The following SLC35F3 variants were observed in gnomAD, a reference collection of about 807,000 sequenced individuals.
SLC35F3 encodes putative thiamine transporter SLC35F3.
SLC35F3 carries 25 observed loss-of-function variants against 49.9 expected under a neutral mutation model. The observed-to-expected ratio is 0.50, with a 90% CI of 0.37 to 0.70. SLC35F3 has a LOEUF of 0.70. SLC35F3 is among the 30% of genes least tolerant of loss of function. The pLI is 0.00. For synonymous variants in SLC35F3, 275 were observed against 265.4 expected, an observed-to-expected ratio of 1.04 and a Z score of -0.35; for missense variants, 525 against 639.8, an observed-to-expected ratio of 0.82 and a Z score of 1.94.
intron 2 of SLC35F3, among the ~76,000 whole-genome samples, chr1:233,956,121 C>T (rs1430058031): frequency 6.6e-6 from 1 of 152,056 alleles, no homozygotes; most frequent in Non-Finnish European, 1.5e-5. Flanking sequence ...CTCCTGACCT[C>T]AGGTGATCCT....
intron 3 of SLC35F3, among the ~76,000 whole-genome samples, chr1:234,273,278 A>G (rs905947891): frequency 1.3e-5 from 2 of 152,226 alleles, no homozygotes; most frequent in Non-Finnish European, 2.9e-5. Context: ...GCTGTTGCCT[A>G]TAAGTCTTCA....
intron 3 of SLC35F3, among the ~76,000 whole-genome samples, chr1:234,245,045 T>C (rs532538736): frequency 2.0e-5 from 3 of 152,172 alleles, no homozygotes; most frequent in Non-Finnish European, 4.4e-5. Context: ...CCTAGTCTTT[T>C]TCCTTAGTAC....
At chr1:234,035,390 TA>T (rs1345237317) in intron 2 of SLC35F3, among the ~76,000 whole-genome samples, 20 of 150,404 alleles carry the variant, frequency 1.3e-4, no homozygotes, top group South Asian at 2.1e-4. Context: ...AATATACCTT[TA>T]AAAAAAAAAT....
At chr1:234,129,281 A>G (rs547871414) in intron 2 of SLC35F3, among the ~76,000 whole-genome samples, 20 of 152,376 alleles carry the variant, frequency 1.3e-4, no homozygotes, top group Admixed American at 3.3e-4. Flanking sequence ...TGAAGCCACA[A>G]TGAGATGTGT....
At position 233,905,687 on chromosome 1, in the gene SLC35F3, C is replaced by T; in HGVS notation, c.212C>T (p.Thr71Met). The stretch of plus-strand genomic sequence containing the variant: ...CTCACCAGCGGGCCGGTGGGGCTCA[C>T]GTCCATCGAGGAGCGGATCCTGCGC... ...EDLTSGPVGLTSIEERILRIT... is the reference protein window; with the variant it reads ...EDLTSGPVGLMSIEERILRIT... The change falls in exon 2 of 8, where the codon ACG (threonine) becomes ATG (methionine). Residue 71 changes from threonine (T) to methionine (M), a missense_variant. Around this residue, in one of 4 missense-constraint regions of SLC35F3, gnomAD observed 228 missense variants for 218.9 expected, o/e 1.04. Coordinates refer to ENST00000366618, the MANE Select transcript of SLC35F3 (RefSeq NM_173508.4). 1 of 1,614,196 alleles carries T rather than the reference C, an allele frequency of 6.2e-7. No individual in the cohort carries two copies. The highest frequency in any genetic ancestry group is 8.5e-7 in the Non-Finnish European group (1 of 1,180,040).
intron 2 of SLC35F3, among the ~76,000 whole-genome samples, chr1:234,041,402 G>A (rs1004114466): frequency 6.6e-6 from 1 of 152,070 alleles, no homozygotes; most frequent in African/African-American, 2.4e-5. Flanking sequence ...TTCCAGACCT[G>A]AAATTGATAT....
In SLC35F3 at chr1:234,268,015, C is replaced by T. The variant is rs1298526073; in HGVS notation, c.608+36274C>T. Among the ~76,000 whole-genome samples the T allele has an allele frequency of 1.7e-3, 258 of 151,440 alleles. 3 individuals are homozygous for T. Among genetic ancestry groups the T allele is most frequent in the Non-Finnish European group, 4.9e-4 (33 of 67,874 alleles). On this transcript the variant is annotated intron_variant, in intron 3 of 7. Transcript: ENST00000366618. The stretch of plus-strand genomic sequence containing the variant: ...GGCTCCTCACATCCCAGACGATGGG[C>T]GGCCAAGCAGAGACGCTCCTCACTT...
At chr1:234,315,985 G>T (rs1428090388) in intron 4 of SLC35F3, among the ~76,000 whole-genome samples, 2 of 152,198 alleles carry the variant, frequency 1.3e-5, no homozygotes, top group Non-Finnish European at 2.9e-5. Context: ...AGGATTGAGG[G>T]GAGCCTTGGT....
At chr1:234,210,259 A>T (rs982785405) in intron 2 of SLC35F3, among the ~76,000 whole-genome samples, 4 of 152,166 alleles carry the variant, frequency 2.6e-5, no homozygotes, top group Non-Finnish European at 4.4e-5. Context: ...TTTTCTTCCC[A>T]GTCTTGGGTA....
intron 2 of SLC35F3, among the ~76,000 whole-genome samples, chr1:234,018,160 G>A (rs897609523): frequency 1.3e-5 from 2 of 152,194 alleles, no homozygotes; most frequent in African/African-American, 2.4e-5. Context: ...TGAAAACGCC[G>A]TGAATATTGA....
intron 2 of SLC35F3, among the ~76,000 whole-genome samples, chr1:234,152,230 A>G (rs928003460): frequency 7.4e-5 from 11 of 148,172 alleles, no homozygotes; most frequent in African/African-American, 1.5e-4. Flanking sequence ...TATTATTGTT[A>G]TTATTATTAT....
rs535062131 is a variant in SLC35F3, at chr1:234,231,179, C to T, written c.284-238C>T. 6.6e-6 allele frequency among the ~76,000 whole-genome samples: 1 copy of T among 152,288 alleles called. No individual in the cohort carries two copies. Among genetic ancestry groups the T allele is most frequent in the Non-Finnish European group, 1.5e-5 (1 of 68,018 alleles). On this transcript the variant is annotated intron_variant, in intron 2 of 7. Transcript: ENST00000366618. The surrounding 1 kb of genome is among the most constrained non-coding windows in gnomAD (Gnocchi z 5.4). ...GGGGACGGACGGGGAAGGGTGCTGA[C>T]GCTGCCCGGCCCAGGGACCACACTT...
chr1:234,073,664 C>T (rs1345823136), intron 2 of SLC35F3, among the ~76,000 whole-genome samples: 2 of 152,186 alleles, frequency 1.3e-5, no homozygotes, highest in Non-Finnish European at 2.9e-5. Flanking sequence ...ATTTAAATCA[C>T]TTCCTCCGAC....
intron 2 of SLC35F3, among the ~76,000 whole-genome samples, chr1:234,155,091 T>C (rs540184647): frequency 2.0e-5 from 3 of 152,362 alleles, no homozygotes; most frequent in South Asian, 4.1e-4. Flanking sequence ...ATAGTTGTTA[T>C]GCTGTATTTT....
intron 2 of SLC35F3, among the ~76,000 whole-genome samples, chr1:234,112,556 C>CTTTTTTTTTTTTT (rs777353110): frequency 5.2e-5 from 6 of 116,352 alleles, no homozygotes; most frequent in South Asian, 3.3e-4. Context: ...AATTCACACT[C>CTTTTTTTTTTTTT]TTTTTTTTTT....
At chr1:233,917,655 C>T (rs1463698578) in intron 2 of SLC35F3, among the ~76,000 whole-genome samples, 1 of 152,216 alleles carries the variant, frequency 6.6e-6, no homozygotes, top group African/African-American at 2.4e-5. Context: ...ATGCTCCCAG[C>T]TCTACCTTTT....
At chr1:234,153,563 G>A (rs1181200688) in intron 2 of SLC35F3, among the ~76,000 whole-genome samples, 2 of 152,224 alleles carry the variant, frequency 1.3e-5, no homozygotes, top group Non-Finnish European at 2.9e-5. Context: ...TTCAGAGGCT[G>A]TTGAGTAACA....
intron 3 of SLC35F3, among the ~76,000 whole-genome samples, chr1:234,290,193 A>G (rs192833613): frequency 2.0e-5 from 3 of 152,338 alleles, no homozygotes; most frequent in Admixed American, 1.3e-4. Context: ...AGAGATATGG[A>G]ATGACAAGAC....
rs549093653 is a variant in SLC35F3, at chr1:233,992,275, T to C, written c.283+86517T>C. ...TTTATCTGGTAAAGGAACCCATCTG[T>C]CTTAGTCCATTTCTGTGTTGGTATT... On this transcript the variant is annotated intron_variant, in intron 2 of 7. Transcript: ENST00000366618. 9.2e-5 allele frequency among the ~76,000 whole-genome samples: 14 copies of C among 152,338 alleles called. No homozygotes were observed. The South Asian group carries it at 2.5e-3, about 27-fold the overall frequency.
Sources: gnomAD v4.1 joint callset for allele counts (sites outside exome capture counted in the v4.1 genomes callset) on GRCh38, gnomAD v4.1.1 for gene constraint, gnomAD v4.1.1 regional missense constraint, Gnocchi (gnomAD v3.1) non-coding constraint, MANE v1.5 for transcripts, NCBI Gene and HGNC (gene_info 2026-07-23, HGNC 2026-07-21) for gene names.